The following DPP6 variants were observed in gnomAD, a reference collection of about 807,000 sequenced individuals.
DPP6 encodes A-type potassium channel modulatory protein DPP6.
Under a neutral mutation model 122.6 loss-of-function variants are expected in DPP6, and 69 were observed. The observed-to-expected ratio is 0.56, with a 90% confidence interval of 0.46 to 0.69. The LOEUF is 0.69. Among genes scored for constraint, DPP6 ranks in the 30% least tolerant of loss-of-function variants. The pLI is 0.00. For missense variants in DPP6, 928 were observed against 1,116.9 expected, an observed-to-expected ratio of 0.83 and a Z score of 2.41; for synonymous variants, 418 against 433.1, an observed-to-expected ratio of 0.97 and a Z score of 0.43.
intron 1 of DPP6, among the ~76,000 whole-genome samples, chr7:154,302,961 T>C (rs1454868620): frequency 6.6e-6 from 1 of 150,388 alleles, no homozygotes; most frequent in Non-Finnish European, 1.5e-5. Flanking sequence ...ATTTGACCCA[T>C]CCCTGGGGTT....
chr7:154,301,671 G>A (rs1805909323), intron 1 of DPP6, among the ~76,000 whole-genome samples: 1 of 151,704 alleles, frequency 6.6e-6, no homozygotes, highest in African/African-American at 2.4e-5. Context: ...TAGCTTGAGA[G>A]GATAAACTTA....
rs1453206838 is a variant in DPP6, at chr7:154,062,978, T to A, written c.243+9915T>A. The stretch of plus-strand genomic sequence containing the variant: ...ATCTTCCGACGGCAGGTACCTTACG[T>A]GGAATTACTGAGAGCCAGTCCCTCT... On this transcript the variant is annotated intron_variant, in intron 1 of 25. Transcript: ENST00000377770. Among the ~76,000 whole-genome samples the A allele has an allele frequency of 3.1e-5, 4 of 128,178 alleles. 1 individual carries two copies. Among genetic ancestry groups the A allele is most frequent in the African/African-American group, 1.2e-4 (4 of 34,366 alleles). 84.1% of individuals were successfully genotyped at this position (128,178 alleles called of 152,430 possible).
chr7:154,332,288 T>C (rs974128677), intron 1 of DPP6, among the ~76,000 whole-genome samples: 4 of 152,064 alleles, frequency 2.6e-5, no homozygotes, highest in Admixed American at 1.3e-4. Context: ...GCCAGGCTGG[T>C]CTCAAACTCC....
chr7:154,233,164 A>G (rs1306600183), intron 1 of DPP6, among the ~76,000 whole-genome samples: 2 of 152,156 alleles, frequency 1.3e-5, no homozygotes, highest in Admixed American at 6.5e-5. Flanking sequence ...GAATTCAGAC[A>G]TTTTCTTTTT....
At chr7:154,127,916 CAGAG>C (rs1476143101) in intron 1 of DPP6, among the ~76,000 whole-genome samples, 6 of 151,096 alleles carry the variant, frequency 4.0e-5, no homozygotes, top group Non-Finnish European at 7.4e-5. Flanking sequence ...TTCTACCTCA[CAGAG>C]AGAAGCTGAA....
intron 1 of DPP6, among the ~76,000 whole-genome samples, chr7:154,145,359 G>C (rs914446912): frequency 6.6e-6 from 1 of 152,082 alleles, no homozygotes; most frequent in African/African-American, 2.4e-5. Context: ...AGAAAGACCC[G>C]AGTCCTACCA....
At chr7:154,889,216 C>T (rs1806402511) in intron 23 of DPP6, 56 bp from the exon 24 acceptor site, 52 of 1,579,350 alleles carry the variant, frequency 3.3e-5, no homozygotes, top group Non-Finnish European at 4.2e-5. Flanking sequence ...AAGCAGAACA[C>T]CTGGCTCCCT....
At chr7:154,087,284 T>C (rs1804493654) in intron 1 of DPP6, among the ~76,000 whole-genome samples, 1 of 152,024 alleles carries the variant, frequency 6.6e-6, no homozygotes, top group Non-Finnish European at 1.5e-5. Context: ...CACCAACCTC[T>C]TGGGACTTTG....
chr7:154,414,701 T>C (rs923832040), intron 1 of DPP6, among the ~76,000 whole-genome samples: 3 of 152,128 alleles, frequency 2.0e-5, no homozygotes, highest in Non-Finnish European at 4.4e-5. Flanking sequence ...AGGTGTCGGC[T>C]GGGGCTGTGT....
chr7:154,571,016 C>T (rs190410417), intron 5 of DPP6, among the ~76,000 whole-genome samples: 1 of 152,198 alleles, frequency 6.6e-6, no homozygotes, highest in Non-Finnish European at 1.5e-5. Flanking sequence ...CTCAAAAGAT[C>T]ATTCCTGCTC....
intron 7 of DPP6, among the ~76,000 whole-genome samples, chr7:154,676,016 A>G (rs1838872776): frequency 6.6e-6 from 1 of 152,238 alleles, no homozygotes; most frequent in African/African-American, 2.4e-5. Flanking sequence ...TCCAGCTCTG[A>G]GAAAAACTTC....
intron 1 of DPP6, among the ~76,000 whole-genome samples, chr7:154,136,438 G>GT (rs977168022): frequency 1.3e-5 from 2 of 152,300 alleles, no homozygotes; most frequent in East Asian, 1.9e-4. Flanking sequence ...GTAGTATGCA[G>GT]TTTTTTACAG....
chr7:154,061,225 G>C (rs1203462906), intron 1 of DPP6, among the ~76,000 whole-genome samples: 6 of 149,360 alleles, frequency 4.0e-5, no homozygotes, highest in Admixed American at 4.0e-4. Flanking sequence ...GGTCACAAAG[G>C]GGGCGGGGAC....
At chr7:154,502,362 G>T (rs1263732574) in intron 3 of DPP6, among the ~76,000 whole-genome samples, 1 of 152,090 alleles carries the variant, frequency 6.6e-6, no homozygotes, top group African/African-American at 2.4e-5. Flanking sequence ...ATATGATTTG[G>T]CTCTGTCCCC....
intron 1 of DPP6, among the ~76,000 whole-genome samples, chr7:153,939,246 T>C (rs1013636181): frequency 2.0e-5 from 3 of 152,234 alleles, no homozygotes; most frequent in Non-Finnish European, 4.4e-5. Context: ...ATTGACTTAG[T>C]GCTCAAAGTG....
intron 9 of DPP6, among the ~76,000 whole-genome samples, chr7:154,770,098 C>T (rs1055468202): frequency 2.0e-5 from 3 of 152,204 alleles, no homozygotes; most frequent in African/African-American, 7.2e-5. Flanking sequence ...GAGGGCAGAG[C>T]CTTCATGATT....
intron 16 of DPP6, among the ~76,000 whole-genome samples, chr7:154,826,065 G>A (rs1041011960): frequency 2.0e-5 from 3 of 152,188 alleles, no homozygotes; most frequent in Non-Finnish European, 4.4e-5. Context: ...TTTCACAAAC[G>A]CAAACCCATG....
At chr7:153,825,076 C>T in the DPP6 span, among the ~76,000 whole-genome samples, 1 of 152,074 alleles carries the variant, frequency 6.6e-6, no homozygotes, top group Non-Finnish European at 1.5e-5. Context: ...CTGTGGGAAG[C>T]GTTGTGACAC....
At chr7:153,879,089 C>T in the DPP6 span, among the ~76,000 whole-genome samples, 8 of 152,090 alleles carry the variant, frequency 5.3e-5, no homozygotes, top group Non-Finnish European at 1.0e-4. Context: ...CAGTGAACGC[C>T]AGAGAAGGGG....
Sources: allele counts gnomAD v4.1 joint callset (sites outside exome capture counted in the v4.1 genomes callset), GRCh38; gene constraint gnomAD v4.1.1; transcripts MANE v1.5; gene names NCBI Gene and HGNC (gene_info 2026-07-23, HGNC 2026-07-21).